TMEM178B: variants seen among roughly 807,000 people sequenced by gnomAD.
TMEM178B encodes the protein transmembrane protein 178B.
In TMEM178B, 5 loss-of-function variants were observed where a neutral mutation model predicts 31.0. The observed-to-expected ratio is 0.16, with a 90% CI of 0.08 to 0.34. TMEM178B has a LOEUF of 0.34. TMEM178B is among the 10% of genes least tolerant of loss of function. TMEM178B has a pLI of 1.00. For synonymous variants in TMEM178B, 164 were observed against 164.0 expected (o/e 1.00, Z 0.00); for missense variants, 275 against 400.3 (o/e 0.69, Z 2.67).
In TMEM178B at chr7:141,074,494, A is replaced by C; in HGVS notation, c.184A>C (p.Asn62His). ...CGGCTTCATTTACAACAATAACAAC[A>C]ACTTGCCGCTCCGGGCGAGCCGCTC... is the stretch of plus-strand genomic sequence containing the variant. ...DPGFIYNNNN[N>H]LPLRASRSRL... The change falls in exon 1 of 4, where the codon AAC becomes CAC. Residue 62 changes from asparagine (N) to histidine (H), a missense_variant. Asn to His is a moderately conservative substitution (Grantham distance 68). Coordinates refer to ENST00000565468, the MANE Select transcript of TMEM178B (RefSeq NM_001195278.2). The surrounding 1 kb of genome is among the most constrained non-coding windows in gnomAD (Gnocchi z 5.1). The C allele has an allele frequency of 6.5e-7, 1 of 1,535,932 alleles. No homozygotes were observed. Among genetic ancestry groups the C allele is most frequent in the South Asian group, 1.2e-5 (1 of 84,054 alleles).
At chr7:141,267,916 G>T (rs1798119211) in intron 2 of TMEM178B, among the ~76,000 whole-genome samples, 1 of 152,170 alleles carries the variant, frequency 6.6e-6, no homozygotes, top group African/African-American at 2.4e-5. Context: ...TGTTCCTTAA[G>T]TATTCTCGAA....
At chr7:141,386,091 C>G (rs562773109) in intron 2 of TMEM178B, among the ~76,000 whole-genome samples, 1 of 152,164 alleles carries the variant, frequency 6.6e-6, no homozygotes, top group Non-Finnish European at 1.5e-5. Context: ...AAATCTTGGG[C>G]CTTATGAGCA....
intron 2 of TMEM178B, among the ~76,000 whole-genome samples, chr7:141,349,995 C>CCATCCATCCATCCATG (rs1554478744): frequency 6.6e-5 from 10 of 151,486 alleles, no homozygotes; most frequent in African/African-American, 2.4e-4. Flanking sequence ...ATCCATCCAT[C>CCATCCATCCATCCATG]CATGCATGCA....
chr7:141,338,765 G>C (rs1418076898), intron 2 of TMEM178B, among the ~76,000 whole-genome samples: 1 of 152,140 alleles, frequency 6.6e-6, no homozygotes, highest in African/African-American at 2.4e-5. Context: ...TATGGCAGCT[G>C]ACTTGATAAT....
At chr7:141,291,426 G>A (rs919065647) in intron 2 of TMEM178B, among the ~76,000 whole-genome samples, 10 of 152,178 alleles carry the variant, frequency 6.6e-5, no homozygotes, top group African/African-American at 9.7e-5. Flanking sequence ...TTCCTGGAAG[G>A]AAAGCTGGGC....
At chr7:141,305,881 C>G (rs1003030989) in intron 2 of TMEM178B, among the ~76,000 whole-genome samples, 1 of 152,148 alleles carries the variant, frequency 6.6e-6, no homozygotes, top group Admixed American at 6.5e-5. Context: ...TGCTGGTCAT[C>G]TAATTCCCAT....
chr7:141,233,173 G>A (rs948500807), intron 2 of TMEM178B, among the ~76,000 whole-genome samples: 2 of 152,226 alleles, frequency 1.3e-5, no homozygotes, highest in African/African-American at 4.8e-5. Context: ...CACTATTTAA[G>A]TTACAATTAT....
intron 3 of TMEM178B, among the ~76,000 whole-genome samples, chr7:141,450,530 A>T (rs1801844307): frequency 6.6e-6 from 1 of 152,194 alleles, no homozygotes; most frequent in South Asian, 2.1e-4. Context: ...AGAAAAGAGG[A>T]CATTGCCAAT....
At chr7:141,448,304 G>A (rs376585526) in intron 3 of TMEM178B, among the ~76,000 whole-genome samples, 4 of 152,074 alleles carry the variant, frequency 2.6e-5, no homozygotes, top group African/African-American at 7.2e-5. Context: ...AGAATTGGAC[G>A]TTTGATTTAA....
At chr7:141,453,733 T>G (rs1334879699) in intron 3 of TMEM178B, among the ~76,000 whole-genome samples, 1 of 152,228 alleles carries the variant, frequency 6.6e-6, no homozygotes, top group Non-Finnish European at 1.5e-5. Context: ...TCGAAGGGCT[T>G]TCAATGTCCA....
At chr7:141,333,959 C>A (rs548439938) in intron 2 of TMEM178B, among the ~76,000 whole-genome samples, 1 of 152,352 alleles carries the variant, frequency 6.6e-6, no homozygotes, top group South Asian at 2.1e-4. Flanking sequence ...CACCTGCCCA[C>A]CTGCAGCTCA....
intron 2 of TMEM178B, among the ~76,000 whole-genome samples, chr7:141,220,482 A>G (rs1303869129): frequency 6.6e-6 from 1 of 151,732 alleles, no homozygotes; most frequent in Non-Finnish European, 1.5e-5. Flanking sequence ...CGCCCTCTAC[A>G]TGGATAAGAG....
intron 1 of TMEM178B, among the ~76,000 whole-genome samples, chr7:141,102,548 C>T (rs1249006566): frequency 6.6e-6 from 1 of 152,194 alleles, no homozygotes; most frequent in African/African-American, 2.4e-5. Context: ...AGCTCTCCTA[C>T]ACTGCTGCTA....
intron 1 of TMEM178B, among the ~76,000 whole-genome samples, chr7:141,100,116 A>G (rs896611269): frequency 1.3e-5 from 2 of 151,836 alleles, no homozygotes. Flanking sequence ...ACTGCGCCCG[A>G]CCAAAATGGT....
chr7:141,157,411 C>A (rs1796089125), intron 1 of TMEM178B, among the ~76,000 whole-genome samples: 1 of 151,078 alleles, frequency 6.6e-6, no homozygotes, highest in Admixed American at 6.6e-5. Context: ...CCTCTCTTTC[C>A]TACTCCTGCG....
chr7:141,253,637 G>A (rs1307158135), intron 2 of TMEM178B, among the ~76,000 whole-genome samples: 4 of 124,980 alleles, frequency 3.2e-5, no homozygotes, highest in African/African-American at 1.2e-4. Flanking sequence ...GGCAACCTCC[G>A]CCTCCCAGGT....
chr7:141,339,433 C>T (rs10251250), intron 2 of TMEM178B, among the ~76,000 whole-genome samples: 19,901 of 152,202 alleles, frequency 0.13, 1,595 homozygotes, highest in Non-Finnish European at 0.18. Flanking sequence ...AACCAACTGT[C>T]CCAGCTACTG....
rs985012668 is a variant in TMEM178B, at chr7:141,471,812, G to C, written c.*1026G>C. ...TGTGTGTGTGTGTGTGTGTGTGTGT[G>C]TGTGTGGTGGATGTTTCTTGAGCGT... On this transcript the variant is annotated 3_prime_UTR_variant, in exon 4 of 4. Coordinates refer to ENST00000565468, the MANE Select transcript of TMEM178B (RefSeq NM_001195278.2). The surrounding 1 kb of genome is among the most constrained non-coding windows in gnomAD (Gnocchi z 4.1). 3 of 147,130 alleles carry C rather than the reference G, an allele frequency of 2.0e-5. No individual in the cohort carries two copies. The highest frequency in any genetic ancestry group is 8.1e-5 in the African/African-American group (3 of 36,880). The allele number at this position is 147,130 out of a possible 1,614,324, so 9.1% of individuals were successfully genotyped here. A position where few individuals can be genotyped will look rare whatever the true frequency, so the allele number is the denominator to read the frequency against.
At chr7:141,510,466 A>C in the TMEM178B span, among the ~76,000 whole-genome samples, 2 of 151,938 alleles carry the variant, frequency 1.3e-5, no homozygotes, top group South Asian at 4.2e-4. Flanking sequence ...CAGGCGGATT[A>C]TCTGAGGTCG....
Sources: allele counts gnomAD v4.1 joint callset (sites outside exome capture counted in the v4.1 genomes callset), GRCh38; gene constraint gnomAD v4.1.1; non-coding constraint Gnocchi (gnomAD v3.1); transcripts MANE v1.5; gene names NCBI Gene and HGNC (gene_info 2026-07-23, HGNC 2026-07-21).